RASGRP1: variants seen among roughly 807,000 people sequenced by gnomAD.
RASGRP1 encodes RAS guanyl releasing protein 1.
A neutral mutation model predicts 95.1 loss-of-function variants in RASGRP1; 37 were observed. That is an observed-to-expected ratio of 0.39 (90% CI 0.30 to 0.51). The LOEUF (loss-of-function observed/expected upper bound fraction) is 0.51. Ranked by LOEUF, RASGRP1 falls within the 20% of genes least tolerant of loss-of-function variation. The probability of loss-of-function intolerance (pLI) is 0.80; values close to 1 mark genes in which losing one functional copy is unlikely to be tolerated. For synonymous variants in RASGRP1, 325 were observed against 353.4 expected, an observed-to-expected ratio of 0.92 and a Z score of 0.90; for missense variants, 711 against 965.4, an observed-to-expected ratio of 0.74 and a Z score of 3.49.
chr15:38,507,571 G>A (rs1891312185), intron 9 of RASGRP1, among the ~76,000 whole-genome samples, 155 bp downstream of exon 9: 1 of 152,146 alleles, frequency 6.6e-6, no homozygotes, highest in Admixed American at 6.5e-5. Context: ...GTATATCTTT[G>A]TGCTTTAGTA....
In RASGRP1 at chr15:38,541,944, T is replaced by C. The variant is rs190510215; in HGVS notation, c.221-15540A>G. On this transcript the variant is annotated intron_variant, in intron 2 of 16. Coordinates refer to ENST00000310803, the MANE Select transcript of RASGRP1 (RefSeq NM_005739.4). ...TTCATAAAGATGGTAGCATTTGAGA[T>C]GGACCTTGAAGGAAGGGTCAGATTC... Among the ~76,000 whole-genome samples the C allele has an allele frequency of 3.9e-4, 59 of 152,280 alleles. 1 individual carries two copies. Among genetic ancestry groups the C allele is most frequent in the African/African-American group, 1.4e-3 (57 of 41,562 alleles).
chr15:38,542,250 C>A (rs1421128867), intron 2 of RASGRP1, among the ~76,000 whole-genome samples: 1 of 152,128 alleles, frequency 6.6e-6, no homozygotes, highest in East Asian at 1.9e-4. Flanking sequence ...AAAAACTGGT[C>A]TGACTGAAGT....
At chr15:38,503,901 C>T in intron 10 of RASGRP1, 1 of 181,542 alleles carries the variant, frequency 5.5e-6, no homozygotes, top group Non-Finnish European at 1.1e-5. Context: ...GTATGAGCAC[C>T]ACAGTGTGTA....
rs556418383 is a variant in RASGRP1, at chr15:38,533,609, T to C, written c.221-7205A>G. Among the ~76,000 whole-genome samples, 8 of 152,240 alleles carry C rather than the reference T, an allele frequency of 5.3e-5. No individual in the cohort carries two copies. The East Asian group carries it at 1.5e-3, about 29-fold the overall frequency. ...CAATGTGGTGATACAAACTTTGAAC[T>C]TGTATACCGTCTATGACCTGAGCCA... On this transcript the variant is annotated intron_variant, in intron 2 of 16. Coordinates refer to ENST00000310803, the MANE Select transcript of RASGRP1 (RefSeq NM_005739.4).
chr15:38,491,393 C>T (rs1179921307), intron 16 of RASGRP1, among the ~76,000 whole-genome samples: 3 of 152,132 alleles, frequency 2.0e-5, no homozygotes, highest in African/African-American at 4.8e-5. Flanking sequence ...TATGTGCCTG[C>T]GCTGTGTGAC....
intron 6 of RASGRP1, among the ~76,000 whole-genome samples, chr15:38,515,366 A>T (rs372836639): frequency 2.0e-5 from 3 of 152,172 alleles, no homozygotes; most frequent in East Asian, 1.9e-4. Context: ...ATCTGTTGGT[A>T]GGGGTAGGGG....
At chr15:38,559,714 T>C in intron 2 of RASGRP1, 107 bp downstream of exon 2, 7 of 1,226,092 alleles carry the variant, frequency 5.7e-6, no homozygotes, top group Non-Finnish European at 7.9e-6. Flanking sequence ...TCAAAAGCTA[T>C]TTTTAAAGCC....
intron 16 of RASGRP1, 24 bp from the exon 17 acceptor site, chr15:38,490,712 A>T: frequency 6.3e-7 from 1 of 1,595,784 alleles, no homozygotes; most frequent in Non-Finnish European, 8.5e-7. Context: ...AGAATGAGGT[A>T]TGTTAATAAA....
intron 2 of RASGRP1, chr15:38,534,206 G>C (rs1463947140): frequency 6.6e-6 from 1 of 152,398 alleles, no homozygotes; most frequent in South Asian, 2.1e-4. Context: ...GACTTCAAGG[G>C]TGAATCCTCT....
chr15:38,554,976 C>T (rs950568482), intron 2 of RASGRP1, among the ~76,000 whole-genome samples: 28 of 152,230 alleles, frequency 1.8e-4, no homozygotes, highest in African/African-American at 6.3e-4. Context: ...AGGTCTGCAT[C>T]CCCAATGATG....
In RASGRP1 at chr15:38,507,975, C is replaced by G. The variant is rs186664410; in HGVS notation, c.993G>C (p.Leu331=). 244 of 1,607,100 alleles carry G rather than the reference C, an allele frequency of 1.5e-4. No individual in the cohort carries two copies. In the East Asian group the frequency reaches 5.4e-3, roughly 35 times the overall value. The change falls in exon 9 of 17, where the codon CTG becomes CTC. Residue 331 remains leucine, a synonymous_variant. Coordinates refer to ENST00000310803, the MANE Select transcript of RASGRP1 (RefSeq NM_005739.4). ...AATTGTCGTAGTTTCTGGAGGAGGA[C>G]AGCAGCTCAGTCATCTCACCGAGAA... ...NKVLGEMTEL[L]SSSRNYDNYR...
chr15:38,531,079 A>C (rs189814285), intron 2 of RASGRP1, among the ~76,000 whole-genome samples: 1 of 152,364 alleles, frequency 6.6e-6, no homozygotes, highest in Admixed American at 6.5e-5. Flanking sequence ...TGTAATTAGC[A>C]TAGCAGCTAT....
At chr15:38,513,853 G>C (rs868210791) in intron 6 of RASGRP1, among the ~76,000 whole-genome samples, 6 of 152,170 alleles carry the variant, frequency 3.9e-5, no homozygotes, top group African/African-American at 1.4e-4. Context: ...TTTGAAAGAA[G>C]GTGTGACCAT....
In RASGRP1 at chr15:38,489,526, G is replaced by T. The variant is rs1046940596; in HGVS notation, c.*1028C>A. 1 of 152,392 alleles carries T rather than the reference G, an allele frequency of 6.6e-6. No homozygotes were observed. The highest frequency in any genetic ancestry group is 2.4e-5 in the African/African-American group (1 of 41,406). The allele number at this position is 152,392 out of a possible 1,614,324, so 9.4% of individuals were successfully genotyped here. A position where few individuals can be genotyped will look rare whatever the true frequency, so the allele number is the denominator to read the frequency against. ...AAACAAAATTCCAAGCCACATGCAT[G>T]CCTGATATTGTATATACATATTATA... is the stretch of plus-strand genomic sequence containing the variant. On this transcript the variant is annotated 3_prime_UTR_variant, in exon 17 of 17. Transcript: ENST00000310803.
intron 2 of RASGRP1, among the ~76,000 whole-genome samples, chr15:38,544,040 C>T (rs1028275385): frequency 6.6e-6 from 1 of 152,080 alleles, no homozygotes; most frequent in Non-Finnish European, 1.5e-5. Context: ...GTATTTAATT[C>T]ATGGGACCTT....
intron 3 of RASGRP1, 157 bp downstream of exon 3, chr15:38,526,142 C>T (rs774107685): frequency 3.2e-6 from 2 of 629,178 alleles, no homozygotes; most frequent in African/African-American, 1.8e-5. Flanking sequence ...ATGAACACAC[C>T]CCCAACACAT....
At chr15:38,547,560 AG>A (rs1306264423) in intron 2 of RASGRP1, among the ~76,000 whole-genome samples, 1 of 152,184 alleles carries the variant, frequency 6.6e-6, no homozygotes, top group African/African-American at 2.4e-5. Context: ...CACCTTCCAA[AG>A]TAAACTATTT....
At chr15:38,492,670 T>TAAGAAACTACTATGCCATGG (rs1404853468) in intron 16 of RASGRP1, among the ~76,000 whole-genome samples, 3 of 152,184 alleles carry the variant, frequency 2.0e-5, no homozygotes, top group Non-Finnish European at 4.4e-5. Flanking sequence ...TATCTATAAT[T>TAAGAAACTACTATGCCATGG]AAGAAACTAC....
intron 2 of RASGRP1, among the ~76,000 whole-genome samples, chr15:38,533,311 G>A (rs911665350): frequency 5.9e-5 from 9 of 152,194 alleles, no homozygotes; most frequent in African/African-American, 2.2e-4. Context: ...GATAATGGAG[G>A]TCAGTATCTC....
Sources: allele counts gnomAD v4.1 joint callset (sites outside exome capture counted in the v4.1 genomes callset), GRCh38; gene constraint gnomAD v4.1.1; transcripts MANE v1.5; gene names NCBI Gene and HGNC (gene_info 2026-07-23, HGNC 2026-07-21).